MACROD2: variants seen among roughly 807,000 people sequenced by gnomAD.
MACROD2 encodes the protein mono-ADP ribosylhydrolase 2.
In MACROD2, 36 loss-of-function variants were observed where a neutral mutation model predicts 70.4. The ratio of observed to expected loss-of-function variants is 0.51; its 90% confidence interval spans 0.39 to 0.68. The LOEUF (loss-of-function observed/expected upper bound fraction) is 0.68. Among genes scored for constraint, MACROD2 ranks in the 30% least tolerant of loss-of-function variants. The pLI, the probability that MACROD2 is intolerant of heterozygous loss-of-function variation, is 0.00. For synonymous variants in MACROD2, 172 were observed against 178.8 expected (o/e 0.96, Z 0.30); for missense variants, 496 against 538.4 (o/e 0.92, Z 0.78).
At chr20:15,569,041 C>A (rs2048344589) in intron 8 of MACROD2, among the ~76,000 whole-genome samples, 1 of 152,148 alleles carries the variant, frequency 6.6e-6, no homozygotes, top group South Asian at 2.1e-4. Flanking sequence ...CAGCACGTGA[C>A]TTCCCCCAAT....
Position 14,071,422 on chromosome 20 carries a change from G to A in MACROD2, c.164-14199G>A, listed in dbSNP as rs1193539065. 1.1e-4 allele frequency among the ~76,000 whole-genome samples: 17 copies of A among 151,598 alleles called. No homozygotes were observed. In the East Asian group the frequency reaches 3.3e-3, roughly 30 times the overall value. Reference sequence around the variant, plus strand: ...ACTACAGGCACCTACCACCACGCCCGGCTAATTTTTTGTATTTTTAGTAGA... The same window carrying A: ...ACTACAGGCACCTACCACCACGCCCAGCTAATTTTTTGTATTTTTAGTAGA... On this transcript the variant is annotated intron_variant, in intron 2 of 17. Coordinates refer to ENST00000684519, the MANE Select transcript of MACROD2 (RefSeq NM_001351661.2).
At chr20:14,508,152 C>T (rs1269947500) in intron 4 of MACROD2, among the ~76,000 whole-genome samples, 1 of 152,166 alleles carries the variant, frequency 6.6e-6, no homozygotes, top group East Asian at 1.9e-4. Flanking sequence ...AGAGTTTCAC[C>T]TCTGGTTCAC....
intron 3 of MACROD2, among the ~76,000 whole-genome samples, chr20:14,243,191 A>T (rs1386747222): frequency 1.3e-5 from 2 of 152,214 alleles, no homozygotes; most frequent in African/African-American, 4.8e-5. Flanking sequence ...CTGTCTGCTG[A>T]ATCTATTGAG....
intron 5 of MACROD2, among the ~76,000 whole-genome samples, chr20:15,055,003 G>A (rs1315769989): frequency 6.8e-6 from 1 of 146,794 alleles, no homozygotes; most frequent in Admixed American, 6.8e-5. Context: ...AGGCTGGAGT[G>A]CAATGGTGTG....
intron 3 of MACROD2, among the ~76,000 whole-genome samples, chr20:14,232,492 A>G (rs2081825498): frequency 6.6e-6 from 1 of 152,238 alleles, no homozygotes; most frequent in South Asian, 2.1e-4. Flanking sequence ...AACCTTCTAC[A>G]TCAGCACTTG....
At chr20:14,775,254 C>A (rs2072218859) in intron 5 of MACROD2, among the ~76,000 whole-genome samples, 1 of 152,000 alleles carries the variant, frequency 6.6e-6, no homozygotes, top group African/African-American at 2.4e-5. Flanking sequence ...GTGGGCTTAG[C>A]AAGTGGCTGT....
intron 2 of MACROD2, among the ~76,000 whole-genome samples, chr20:14,061,503 A>T (rs965753176): frequency 3.3e-5 from 5 of 152,120 alleles, no homozygotes; most frequent in African/African-American, 1.2e-4. Flanking sequence ...TCTGATCATA[A>T]TCATGTAAAA....
intron 3 of MACROD2, among the ~76,000 whole-genome samples, chr20:14,295,578 G>A (rs2082420401): frequency 6.6e-6 from 1 of 151,694 alleles, no homozygotes; most frequent in Non-Finnish European, 1.5e-5. Context: ...GGGGGCTGGG[G>A]GGAGTGGTAA....
At chr20:14,185,035 C>T (rs1277945522) in intron 3 of MACROD2, among the ~76,000 whole-genome samples, 8 of 152,046 alleles carry the variant, frequency 5.3e-5, no homozygotes, top group Non-Finnish European at 7.4e-5. Flanking sequence ...TCTTGTATAT[C>T]TATACCCCAT....
chr20:15,090,694 A>G (rs2075786445), intron 5 of MACROD2, among the ~76,000 whole-genome samples: 1 of 152,104 alleles, frequency 6.6e-6, no homozygotes, highest in Non-Finnish European at 1.5e-5. Flanking sequence ...AAGTTAAAAA[A>G]GTAAGTCAGT....
intron 15 of MACROD2, among the ~76,000 whole-genome samples, chr20:16,027,877 G>A (rs1478025537): frequency 1.3e-5 from 2 of 152,176 alleles, no homozygotes; most frequent in African/African-American, 2.4e-5. Flanking sequence ...ATCAGCTCTG[G>A]CAGCCCCCAG....
intron 8 of MACROD2, among the ~76,000 whole-genome samples, chr20:15,521,684 C>T (rs1228892005): frequency 1.3e-5 from 2 of 152,094 alleles, no homozygotes; most frequent in African/African-American, 4.8e-5. Flanking sequence ...TCCTCATTTC[C>T]TCTCAGAAAA....
At chr20:15,700,329 G>A (rs952356865) in intron 8 of MACROD2, among the ~76,000 whole-genome samples, 1 of 152,184 alleles carries the variant, frequency 6.6e-6, no homozygotes, top group East Asian at 1.9e-4. Flanking sequence ...CGGAGTCCCC[G>A]ATGTGAGGGA....
rs1055505600 is a variant in MACROD2, at chr20:15,331,125, C to T, written c.541-100280C>T. 1.2e-4 allele frequency among the ~76,000 whole-genome samples: 18 copies of T among 151,594 alleles called. 2 individuals carry two copies. Among genetic ancestry groups the T allele is most frequent in the Admixed American group, 3.9e-4 (6 of 15,222 alleles). On this transcript the variant is annotated intron_variant, in intron 6 of 17. Coordinates refer to ENST00000684519, the MANE Select transcript of MACROD2 (RefSeq NM_001351661.2). ...ATGCAGTAACACATGCGAATGTGTT[C>T]ATAAGTTTGGAACAGGGGATGCATT... is the stretch of plus-strand genomic sequence containing the variant.
chr20:15,237,172 C>T (rs1304148012), intron 6 of MACROD2, among the ~76,000 whole-genome samples: 2 of 152,298 alleles, frequency 1.3e-5, no homozygotes, highest in African/African-American at 2.4e-5. Context: ...CACCAAGATA[C>T]ATCAAAACAA....
At chr20:14,669,236 T>A (rs569498948) in intron 4 of MACROD2, among the ~76,000 whole-genome samples, 2 of 152,186 alleles carry the variant, frequency 1.3e-5, no homozygotes, top group African/African-American at 2.4e-5. Context: ...AGATACAGTG[T>A]CATTGGTCCT....
intron 2 of MACROD2, among the ~76,000 whole-genome samples, chr20:14,084,082 C>CAAAAAA (rs1289652442): frequency 8.9e-6 from 1 of 112,598 alleles, no homozygotes; most frequent in East Asian, 2.9e-4. Flanking sequence ...AAAAAACAAA[C>CAAAAAA]AAAAAAAAAC....
At chr20:15,484,793 G>A (rs1340952506) in intron 7 of MACROD2, among the ~76,000 whole-genome samples, 1 of 152,160 alleles carries the variant, frequency 6.6e-6, no homozygotes, top group African/African-American at 2.4e-5. Context: ...CCATCATTCA[G>A]ACTGGTCCAC....
intron 8 of MACROD2, among the ~76,000 whole-genome samples, chr20:15,845,503 G>C (rs2064221014): frequency 6.6e-6 from 1 of 152,002 alleles, no homozygotes; most frequent in Non-Finnish European, 1.5e-5. Flanking sequence ...ATGAGTCGTG[G>C]AAAGCAGCAT....
Sources: allele counts gnomAD v4.1 joint callset (sites outside exome capture counted in the v4.1 genomes callset), GRCh38; gene constraint gnomAD v4.1.1; transcripts MANE v1.5; gene names NCBI Gene and HGNC (gene_info 2026-07-23, HGNC 2026-07-21).